Variants in KCTD13 observed in about 807,000 individuals in gnomAD.
KCTD13 encodes the protein BTB/POZ domain-containing adapter for CUL3-mediated RhoA degradation protein 1.
KCTD13 carries 15 observed loss-of-function variants against 32.3 expected under a neutral mutation model. The observed-to-expected ratio is 0.46, with a 90% CI of 0.31 to 0.71. The LOEUF (loss-of-function observed/expected upper bound fraction) is 0.71, where lower values mean the gene tolerates loss of function less well. Ranked by LOEUF, KCTD13 falls within the 30% of genes least tolerant of loss-of-function variation. The probability of loss-of-function intolerance (pLI) is 0.05; values close to 1 mark genes in which losing one functional copy is unlikely to be tolerated. For synonymous variants in KCTD13, 189 were observed against 200.1 expected, an observed-to-expected ratio of 0.94 and a Z score of 0.47; for missense variants, 337 against 452.6, an observed-to-expected ratio of 0.74 and a Z score of 2.32.
chr16:29,908,756 G>A (rs1455883435), intron 5 of KCTD13, among the ~76,000 whole-genome samples: 1 of 150,938 alleles, frequency 6.6e-6, no homozygotes, highest in African/African-American at 2.4e-5. Flanking sequence ...AGGCTGGAGT[G>A]CAGTGGTGTG....
Position 29,906,691 on chromosome 16 carries a change from G to A in KCTD13, c.*181C>T. On this transcript the variant is annotated 3_prime_UTR_variant, in exon 6 of 6. Transcript: ENST00000568000. ...GAGTGGTGGGGCCGGAATGTACCAT[G>A]TTGTTAGCAATGGGGTTGGGATGGG... 1.5e-6 allele frequency: 1 copy of A among 688,268 alleles called. No homozygotes were observed. The highest frequency in any genetic ancestry group is 2.6e-6 in the Non-Finnish European group (1 of 378,128). The allele number at this position is 688,268 out of a possible 1,614,324, so 42.6% of individuals were successfully genotyped here. A position where few individuals can be genotyped will look rare whatever the true frequency, so the allele number is the denominator to read the frequency against.
intron 5 of KCTD13, among the ~76,000 whole-genome samples, chr16:29,907,513 G>A (rs892991566): frequency 1.3e-5 from 2 of 152,142 alleles, no homozygotes; most frequent in African/African-American, 2.4e-5. Flanking sequence ...CTAGCCTGGC[G>A]CAGTGACTCA....
rs746822848 is a variant in KCTD13, at chr16:29,906,979, C to G, written c.883G>C (p.Gly295Arg). 1.1e-5 allele frequency: 17 copies of G among 1,614,050 alleles called. No individual in the cohort carries two copies. In the East Asian group the frequency reaches 3.8e-4, roughly 36 times the overall value. The change falls in exon 6 of 6, where the codon GGG becomes CGG. Residue 295 changes from glycine (G) to arginine (R), a missense_variant. Transcript: ENST00000568000. ...TGCTCTCGGTTCTCTTCATCCTCCC[C>G]GCGGCCAGCCCCACCAGCTCCAGCT... is the stretch of plus-strand genomic sequence containing the variant. The part of the protein sequence containing the change: ...GAAGAGGAGR[G>R]EDEENREHRV...
chr16:29,907,925 C>T (rs1174412339), intron 5 of KCTD13, among the ~76,000 whole-genome samples: 1 of 151,286 alleles, frequency 6.6e-6, no homozygotes, highest in Non-Finnish European at 1.5e-5. Flanking sequence ...ATCGTTAGAG[C>T]CCAGGAGTTC....
At chr16:29,921,744 T>A (rs774423903) in intron 2 of KCTD13, 2 of 152,060 alleles carry the variant, frequency 1.3e-5, no homozygotes, top group Non-Finnish European at 2.9e-5. Context: ...CCAAGGCGGA[T>A]GGATCACGTG....
At chr16:29,910,688 C>T (rs143970070) in intron 5 of KCTD13, among the ~76,000 whole-genome samples, 79 of 152,212 alleles carry the variant, frequency 5.2e-4, no homozygotes, top group Middle Eastern at 3.4e-3. Flanking sequence ...CAACTATGGA[C>T]CCCCTATACA....
intron 2 of KCTD13, chr16:29,913,528 CTTCTGT>C (rs1399928346): frequency 2.0e-5 from 3 of 152,198 alleles, no homozygotes; most frequent in African/African-American, 4.8e-5. Flanking sequence ...ATATTTATTA[CTTCTGT>C]TTCTGAGGGT....
chr16:29,920,399 T>G lies in KCTD13; in HGVS notation c.414+2791A>C, dbSNP rs551977001. The G allele has an allele frequency of 5.9e-5, 9 of 152,270 alleles. No homozygotes were observed. In the East Asian group the frequency reaches 1.3e-3, roughly 23 times the overall value. 9.4% of individuals were successfully genotyped at this position (152,270 alleles called of 1,614,324 possible). On this transcript the variant is annotated intron_variant, in intron 2 of 5. Coordinates refer to ENST00000568000, the MANE Select transcript of KCTD13 (RefSeq NM_178863.5). ...GTTTTCTGAACTTTGCTGAGAACAG[T>G]AGGTAAATAGTCCCATGCTACAGGC... is the stretch of plus-strand genomic sequence containing the variant.
chr16:29,918,170 G>A (rs1051765248), intron 2 of KCTD13, among the ~76,000 whole-genome samples: 5 of 152,186 alleles, frequency 3.3e-5, no homozygotes, highest in African/African-American at 1.2e-4. Context: ...TGGCACAAAT[G>A]TAATTACTGG....
chr16:29,920,491 G>A (rs1322615027), intron 2 of KCTD13: 4 of 152,166 alleles, frequency 2.6e-5, no homozygotes, highest in Admixed American at 1.3e-4. Flanking sequence ...CCCATATGCA[G>A]TAGGGCTTAA....
chr16:29,926,060 C>A lies in KCTD13; in HGVS notation c.-27G>T. 1 of 1,470,068 alleles carries A rather than the reference C, an allele frequency of 6.8e-7. No homozygotes were observed. Among genetic ancestry groups the A allele is most frequent in the Non-Finnish European group, 8.9e-7 (1 of 1,117,770 alleles). 91.1% of individuals were successfully genotyped at this position (1,470,068 alleles called of 1,614,324 possible). ...CCGGGTAGCAGCGGCGGACGGCGATCCCAGGATCTCTCCGCGCCCTGCGGC... is the reference window on the plus strand; with the variant it reads ...CCGGGTAGCAGCGGCGGACGGCGATACCAGGATCTCTCCGCGCCCTGCGGC... On this transcript the variant is annotated 5_prime_UTR_variant, in exon 1 of 6. Transcript: ENST00000568000.
chr16:29,911,181 C>G lies in KCTD13; in HGVS notation c.558-8G>C. The stretch of plus-strand genomic sequence containing the variant: ...AGGTTGTCATCTGAAGTGCTGGGGA[C>G]CAGGGGACCAGGAGGCCTCAGCGCA... On this transcript the variant is annotated splice_region_variant and splice_polypyrimidine_tract_variant and intron_variant, in intron 4 of 5. Transcript: ENST00000568000. The G allele has an allele frequency of 6.2e-7, 1 of 1,612,654 alleles. No individual in the cohort carries two copies. The highest frequency in any genetic ancestry group is 8.5e-7 in the Non-Finnish European group (1 of 1,178,984).
intron 1 of KCTD13, among the ~76,000 whole-genome samples, chr16:29,923,746 G>GC (rs1438099429): frequency 6.6e-6 from 1 of 151,778 alleles, no homozygotes; most frequent in African/African-American, 2.4e-5. Context: ...CAGCTACTCG[G>GC]GGGGGGGCGA....
chr16:29,922,260 T>C (rs1338873757), intron 2 of KCTD13: 1 of 152,098 alleles, frequency 6.6e-6, no homozygotes, highest in Non-Finnish European at 1.5e-5. Context: ...CCTTTGGGCT[T>C]CAAGAACCAG....
At position 29,907,038 on chromosome 16, in the gene KCTD13, G is replaced by A. The variant is rs761873723; in HGVS notation, c.824C>T (p.Pro275Leu). The change falls in exon 6 of 6, where the codon CCA (proline) becomes CTA (leucine). Residue 275 changes from proline (P) to leucine (L), a missense_variant. Physicochemically the swap from Pro to Leu is moderately conservative, Grantham distance 98. Around this residue, in one of 3 missense-constraint regions of KCTD13, gnomAD observed 252 missense variants for 340.2 expected, o/e 0.74. Coordinates refer to ENST00000568000, the MANE Select transcript of KCTD13 (RefSeq NM_178863.5). Reference protein sequence around the residue: ...NILIYETPRGPDPALLEATGG... With the variant: ...NILIYETPRGLDPALLEATGG... ...TGTGGCCTCCAGGAGGGCTGGGTCT[G>A]GGCCCCGGGGAGTCTCGTAGATGAG... 7.4e-6 allele frequency: 12 copies of A among 1,613,882 alleles called. No homozygotes were observed. The East Asian group carries it at 2.7e-4, about 36-fold the overall frequency.
At chr16:29,918,296 G>A (rs1461345792) in intron 2 of KCTD13, among the ~76,000 whole-genome samples, 2 of 152,154 alleles carry the variant, frequency 1.3e-5, no homozygotes, top group Non-Finnish European at 2.9e-5. Context: ...CAATGATAGA[G>A]AAATCAAACC....
At chr16:29,910,346 G>A (rs185012785) in intron 5 of KCTD13, among the ~76,000 whole-genome samples, 48 of 151,948 alleles carry the variant, frequency 3.2e-4, no homozygotes, top group East Asian at 9.7e-4. Context: ...TGCGGTGAGC[G>A]GAGATTGTGC....
chr16:29,913,320 T>C (rs982512230), intron 2 of KCTD13: 1 of 151,894 alleles, frequency 6.6e-6, no homozygotes, highest in African/African-American at 2.4e-5. Context: ...GCCACAACAG[T>C]GAGAACGGTA....
At chr16:29,910,320 C>T (rs577146962) in intron 5 of KCTD13, among the ~76,000 whole-genome samples, 1 of 152,002 alleles carries the variant, frequency 6.6e-6, no homozygotes, top group Admixed American at 6.6e-5. Context: ...ATCGCTTGAA[C>T]CTGGGAGGTA....
Sources: gnomAD v4.1 joint callset for allele counts (sites outside exome capture counted in the v4.1 genomes callset) on GRCh38, gnomAD v4.1.1 for gene constraint, gnomAD v4.1.1 regional missense constraint, MANE v1.5 for transcripts, NCBI Gene and HGNC (gene_info 2026-07-23, HGNC 2026-07-21) for gene names.